The following SPOCK3 variants were observed in gnomAD, a reference collection of about 807,000 sequenced individuals.
The protein encoded by SPOCK3 is SPARC (osteonectin), cwcv and kazal like domains proteoglycan 3.
In SPOCK3, 30 loss-of-function variants were observed where a neutral mutation model predicts 56.6. The observed-to-expected ratio is 0.53, with a 90% CI of 0.40 to 0.72. The LOEUF (loss-of-function observed/expected upper bound fraction) is 0.72. Ranked by LOEUF, SPOCK3 falls within the 30% of genes least tolerant of loss-of-function variation. SPOCK3 has a pLI of 0.00. For synonymous variants in SPOCK3, 196 were observed against 183.3 expected, an observed-to-expected ratio of 1.07 and a Z score of -0.56; for missense variants, 527 against 530.0, an observed-to-expected ratio of 0.99 and a Z score of 0.06.
Position 167,227,249 on chromosome 4 carries a change from AT to A in SPOCK3, c.189+6735del, listed in dbSNP as rs1485968279. ...ACGACAGCTTAGACACGGCATTTCT[AT>A]TTTGGCAAGTTTTGGAACTTATAGG... On this transcript the variant is annotated intron_variant, in intron 2 of 10. Coordinates refer to ENST00000357545, the MANE Select transcript of SPOCK3 (RefSeq NM_001040159.2). 4.6e-5 allele frequency among the ~76,000 whole-genome samples: 7 copies of A among 152,220 alleles called. No homozygotes were observed. In the East Asian group the frequency reaches 1.4e-3, roughly 29 times the overall value.
intron 2 of SPOCK3, among the ~76,000 whole-genome samples, chr4:167,133,453 G>A (rs1036020742): frequency 6.6e-6 from 1 of 152,120 alleles, no homozygotes; most frequent in Admixed American, 6.6e-5. Flanking sequence ...TTGAAGCCAC[G>A]ACATTTGAGG....
intron 6 of SPOCK3, among the ~76,000 whole-genome samples, chr4:166,847,681 A>ATATATATATATATATATATATATATAT (rs1560926812): frequency 4.4e-5 from 4 of 91,242 alleles, no homozygotes; most frequent in Non-Finnish European, 6.3e-5. Flanking sequence ...ATATATATAT[A>ATATATATATATATATATATATATATAT]AGAATCATGT....
At position 167,008,156 on chromosome 4, in the gene SPOCK3, G is replaced by C. The variant is rs1434458814; in HGVS notation, c.236-7693C>G. On this transcript the variant is annotated intron_variant, in intron 3 of 10. Coordinates refer to ENST00000357545, the MANE Select transcript of SPOCK3 (RefSeq NM_001040159.2). Reference sequence around the variant, plus strand: ...CAGTCCATTAGTATTATAATAGCAAGTTTTACATCTAAAAATAACTTTTTA... The same window carrying C: ...CAGTCCATTAGTATTATAATAGCAACTTTTACATCTAAAAATAACTTTTTA... Among the ~76,000 whole-genome samples, 2 of 151,830 alleles carry C rather than the reference G, an allele frequency of 1.3e-5. 1 individual carries two copies.
At chr4:167,057,481 C>A (rs1174316470) in intron 3 of SPOCK3, among the ~76,000 whole-genome samples, 4 of 151,656 alleles carry the variant, frequency 2.6e-5, no homozygotes, top group African/African-American at 9.7e-5. Flanking sequence ...AATTAAAAGA[C>A]ACAGACTGGC....
At chr4:166,753,294 A>ATTATT (rs1408809700) in intron 8 of SPOCK3, among the ~76,000 whole-genome samples, 2 of 152,026 alleles carry the variant, frequency 1.3e-5, no homozygotes, top group African/African-American at 4.8e-5. Context: ...ACTACTTTTT[A>ATTATT]TTATTTAAAT....
chr4:166,911,119 C>G (rs1737217662), intron 5 of SPOCK3, among the ~76,000 whole-genome samples: 1 of 152,104 alleles, frequency 6.6e-6, no homozygotes, highest in Non-Finnish European at 1.5e-5. Flanking sequence ...AGATCAAGAC[C>G]ATGTTGAAAG....
chr4:167,223,637 G>T (rs942940751), intron 2 of SPOCK3, among the ~76,000 whole-genome samples: 1 of 151,834 alleles, frequency 6.6e-6, no homozygotes, highest in Non-Finnish European at 1.5e-5. Flanking sequence ...TCCATATGGG[G>T]ATATTACTAA....
chr4:167,224,878 G>C (rs1161866786), intron 2 of SPOCK3, among the ~76,000 whole-genome samples: 1 of 152,084 alleles, frequency 6.6e-6, no homozygotes, highest in Non-Finnish European at 1.5e-5. Flanking sequence ...TGTTGGCCAG[G>C]ATGGTCTCGA....
Position 167,221,130 on chromosome 4 carries a change from C to T in SPOCK3, c.189+12855G>A, listed in dbSNP as rs186103567. Among the ~76,000 whole-genome samples the T allele has an allele frequency of 4.0e-5, 6 of 151,810 alleles. No individual in the cohort carries two copies. The East Asian group carries it at 5.8e-4, about 15-fold the overall frequency. On this transcript the variant is annotated intron_variant, in intron 2 of 10. Transcript: ENST00000357545. ...ACGCCAACACTCTGGGAGGCTGAGG[C>T]GGGAGGATGGCTTGAGCCTAAGAGT...
intron 3 of SPOCK3, among the ~76,000 whole-genome samples, chr4:167,003,977 T>G (rs964716060): frequency 6.6e-6 from 1 of 152,192 alleles, no homozygotes; most frequent in Admixed American, 6.5e-5. Context: ...CATTCACATT[T>G]GTTTTTGGTC....
At chr4:166,813,653 G>A (rs928436116) in intron 6 of SPOCK3, among the ~76,000 whole-genome samples, 2 of 151,286 alleles carry the variant, frequency 1.3e-5, no homozygotes, top group African/African-American at 4.9e-5. Flanking sequence ...TAAATTTGAG[G>A]TAAAAAAGAA....
intron 6 of SPOCK3, among the ~76,000 whole-genome samples, chr4:166,856,228 C>A (rs963060581): frequency 7.3e-5 from 11 of 151,474 alleles, no homozygotes; most frequent in Non-Finnish European, 1.2e-4. Context: ...GGCCAATGGG[C>A]ACAAAGTTTC....
intron 5 of SPOCK3, among the ~76,000 whole-genome samples, chr4:166,891,165 C>A (rs1160947152): frequency 6.6e-6 from 1 of 151,762 alleles, no homozygotes; most frequent in African/African-American, 2.4e-5. Context: ...TTTTAAGAGT[C>A]AATAATTATC....
At chr4:166,980,580 G>C (rs1244365883) in intron 4 of SPOCK3, among the ~76,000 whole-genome samples, 1 of 152,230 alleles carries the variant, frequency 6.6e-6, no homozygotes, top group Non-Finnish European at 1.5e-5. Context: ...GGCAAGCCAG[G>C]AGCAGAGTGG....
intron 6 of SPOCK3, among the ~76,000 whole-genome samples, chr4:166,840,901 C>A (rs1452726691): frequency 6.6e-6 from 1 of 151,034 alleles, no homozygotes; most frequent in Non-Finnish European, 1.5e-5. Flanking sequence ...ACCTCAGCCT[C>A]CCGAGTAGCT....
intron 2 of SPOCK3, among the ~76,000 whole-genome samples, chr4:167,074,385 C>T (rs779132242): frequency 2.6e-5 from 4 of 151,930 alleles, no homozygotes; most frequent in Non-Finnish European, 5.9e-5. Flanking sequence ...AGGCTGCCTA[C>T]TCTTCTGAAG....
chr4:166,948,624 G>A (rs1008599174), intron 4 of SPOCK3, among the ~76,000 whole-genome samples: 2 of 151,768 alleles, frequency 1.3e-5, no homozygotes, highest in Admixed American at 6.6e-5. Context: ...TAGTATGTTG[G>A]GCATTTTTTT....
chr4:167,126,041 A>G (rs929057125), intron 2 of SPOCK3, among the ~76,000 whole-genome samples: 1 of 152,210 alleles, frequency 6.6e-6, no homozygotes, highest in Non-Finnish European at 1.5e-5. Context: ...AATACACCTA[A>G]CCACAACAGA....
In SPOCK3 at chr4:167,109,943, T is replaced by C. The variant is rs1760758242; in HGVS notation, c.190-47406A>G. Among the ~76,000 whole-genome samples the C allele has an allele frequency of 2.6e-5, 4 of 152,114 alleles. No individual in the cohort carries two copies. In the South Asian group the frequency reaches 8.3e-4, roughly 32 times the overall value. On this transcript the variant is annotated intron_variant, in intron 2 of 10. Transcript: ENST00000357545. ...TCTCGTCTTACTAGCCTGAACTCCA[T>C]TTCTTACTTTCTAGCCTTACTAGCC...
Sources: allele counts gnomAD v4.1 joint callset (sites outside exome capture counted in the v4.1 genomes callset), GRCh38; gene constraint gnomAD v4.1.1; transcripts MANE v1.5; gene names NCBI Gene and HGNC (gene_info 2026-07-23, HGNC 2026-07-21).